The following NFAM1 variants were observed in gnomAD, a reference collection of about 807,000 sequenced individuals.
NFAM1 encodes the protein NFAT activating protein with ITAM motif 1, also known as NFAT activation molecule 1.
A neutral mutation model predicts 29.0 loss-of-function variants in NFAM1; 17 were observed. That is an observed-to-expected ratio of 0.59 (90% CI 0.40 to 0.88). The LOEUF (loss-of-function observed/expected upper bound fraction) is 0.88. NFAM1 is among the 40% of genes least tolerant of loss of function. The pLI is 0.00. For missense variants in NFAM1, 324 were observed against 344.6 expected, an observed-to-expected ratio of 0.94 and a Z score of 0.47; for synonymous variants, 175 against 147.2, an observed-to-expected ratio of 1.19 and a Z score of -1.36.
intron 4 of NFAM1, among the ~76,000 whole-genome samples, chr22:42,397,379 TA>T (rs2147097234): frequency 6.6e-6 from 1 of 152,356 alleles, no homozygotes; most frequent in South Asian, 2.1e-4. Flanking sequence ...CCATGTAAGA[TA>T]ATATCTGCAT....
At chr22:42,396,525 G>T (rs1161363736) in intron 4 of NFAM1, among the ~76,000 whole-genome samples, 1 of 151,988 alleles carries the variant, frequency 6.6e-6, no homozygotes, top group Non-Finnish European at 1.5e-5. Context: ...TATGCTGGGG[G>T]AGAGGGAAAG....
intron 1 of NFAM1, among the ~76,000 whole-genome samples, chr22:42,422,780 G>A (rs1162531171): frequency 6.6e-6 from 1 of 152,004 alleles, no homozygotes; most frequent in African/African-American, 2.4e-5. Flanking sequence ...GGGTGAGGTT[G>A]GGTCTGCTTC....
chr22:42,395,970 T>C (rs771374346), intron 4 of NFAM1, among the ~76,000 whole-genome samples: 2 of 151,432 alleles, frequency 1.3e-5, no homozygotes, highest in Non-Finnish European at 2.9e-5. Flanking sequence ...ATCAAGAGGA[T>C]TGATAAAATA....
chr22:42,431,549 G>A (rs2146562239), intron 1 of NFAM1, among the ~76,000 whole-genome samples: 1 of 152,214 alleles, frequency 6.6e-6, no homozygotes, highest in Middle Eastern at 3.4e-3. Flanking sequence ...CTGGCCTGAT[G>A]AACTGGCCCT....
Position 42,432,305 on chromosome 22 carries a change from G to T in NFAM1, c.53C>A (p.Pro18His). 1 of 1,574,490 alleles carries T rather than the reference G, an allele frequency of 6.4e-7. No homozygotes were observed. Among genetic ancestry groups the T allele is most frequent in the East Asian group, 2.3e-5 (1 of 42,700 alleles). The change falls in exon 1 of 6, where the codon CCT becomes CAT. Residue 18 changes from proline to histidine, a missense_variant. Coordinates refer to ENST00000329021, the MANE Select transcript of NFAM1 (RefSeq NM_145912.8). ...WRALPGLPRPPGLPAAPWLLL... is the reference protein window; with the variant it reads ...WRALPGLPRPHGLPAAPWLLL... ...GAGCCAGGGGGCTGCGGGGAGCCCA[G>T]GAGGGCGTGGGAGGCCTGGCAGGGC...
In NFAM1 at chr22:42,416,904, G is replaced by A. The variant is rs899561148; in HGVS notation, c.122-5168C>T. On this transcript the variant is annotated intron_variant, in intron 1 of 5. Transcript: ENST00000329021. ...CATGCAGCTGCCTAGAGGGGCCCAC[G>A]GCCTGGAGAGGAAGACCAGGGTGGA... Among the ~76,000 whole-genome samples the A allele has an allele frequency of 1.1e-4, 16 of 152,172 alleles. No individual in the cohort carries two copies. In the East Asian group the frequency reaches 2.7e-3, roughly 26 times the overall value.
At chr22:42,401,808 C>G (rs1929735242) in intron 3 of NFAM1, among the ~76,000 whole-genome samples, 1 of 152,192 alleles carries the variant, frequency 6.6e-6, no homozygotes. Context: ...GCTGTGCACA[C>G]CAGGGGTGCT....
intron 3 of NFAM1, among the ~76,000 whole-genome samples, 190 bp from the exon 4 acceptor site, chr22:42,398,146 C>A (rs993109226): frequency 6.6e-6 from 1 of 152,252 alleles, no homozygotes; most frequent in Non-Finnish European, 1.5e-5. Context: ...CATTCCTGCA[C>A]CTGGAGACAC....
upstream of NFAM1, among the ~76,000 whole-genome samples, chr22:42,435,815 C>T (rs9611795): frequency 6.1e-3 from 575 of 94,204 alleles, 10 homozygotes; most frequent in African/African-American, 0.026. Flanking sequence ...TTTTCTTCTT[C>T]TTTTTTTTTT....
chr22:42,432,947 C>T (rs1164178488), upstream of NFAM1, among the ~76,000 whole-genome samples: 2 of 152,076 alleles, frequency 1.3e-5, no homozygotes, highest in African/African-American at 4.8e-5. Context: ...CAGCGAGAAC[C>T]TCTGTGGGTC....
chr22:42,435,419 C>G (rs990093617), upstream of NFAM1, among the ~76,000 whole-genome samples: 8 of 150,938 alleles, frequency 5.3e-5, no homozygotes, highest in Non-Finnish European at 1.0e-4. Flanking sequence ...GCGATCTCGG[C>G]TCACCGTAAA....
At chr22:42,428,240 G>A (rs1215504997) in intron 1 of NFAM1, among the ~76,000 whole-genome samples, 4 of 151,990 alleles carry the variant, frequency 2.6e-5, no homozygotes, top group South Asian at 4.1e-4. Context: ...GCCACCTCCC[G>A]CTCTGTCCCC....
chr22:42,417,162 C>A (rs1930288722), intron 1 of NFAM1, among the ~76,000 whole-genome samples: 1 of 152,248 alleles, frequency 6.6e-6, no homozygotes, highest in Admixed American at 6.5e-5. Flanking sequence ...CCTCGCCCCT[C>A]ACCCTCACAC....
chr22:42,432,692 ATGAG>A (rs1930850397), upstream of NFAM1, among the ~76,000 whole-genome samples: 1 of 152,098 alleles, frequency 6.6e-6, no homozygotes. Flanking sequence ...TGGGATTTCC[ATGAG>A]TGACTTCGGG....
At chr22:42,407,318 G>A (rs1452484712) in intron 3 of NFAM1, among the ~76,000 whole-genome samples, 1 of 151,782 alleles carries the variant, frequency 6.6e-6, no homozygotes, top group Non-Finnish European at 1.5e-5. Context: ...CTGGCCTCAA[G>A]TGATCCGCCT....
upstream of NFAM1, chr22:42,437,019 A>G (rs1247308463): frequency 1.0e-6 from 1 of 984,356 alleles, no homozygotes; most frequent in African/African-American, 1.8e-5. Flanking sequence ...TCCCCCTGCT[A>G]TGCTCAGTTT....
chr22:42,410,036 T>A (rs1930029995), intron 2 of NFAM1, among the ~76,000 whole-genome samples: 1 of 152,068 alleles, frequency 6.6e-6, no homozygotes, highest in South Asian at 2.1e-4. Context: ...CCTCACCCCA[T>A]CCATCCATCC....
chr22:42,385,391 A>G (rs1014462026), intron 5 of NFAM1, among the ~76,000 whole-genome samples, 171 bp from the exon 6 acceptor site: 1 of 65,560 alleles, frequency 1.5e-5, no homozygotes, highest in African/African-American at 6.0e-5. Flanking sequence ...CTCTTCCCCC[A>G]CCATGCTGCC....
intron 3 of NFAM1, among the ~76,000 whole-genome samples, chr22:42,404,726 A>C (rs1294314980): frequency 6.6e-6 from 1 of 152,006 alleles, no homozygotes; most frequent in Non-Finnish European, 1.5e-5. Context: ...GTGGTATCGC[A>C]CGTCTGTAAT....
Sources: gnomAD v4.1 joint callset for allele counts (sites outside exome capture counted in the v4.1 genomes callset) on GRCh38, gnomAD v4.1.1 for gene constraint, MANE v1.5 for transcripts, NCBI Gene and HGNC (gene_info 2026-07-23, HGNC 2026-07-21) for gene names.